The following LYST variants were observed in gnomAD, a reference collection of about 807,000 sequenced individuals.
LYST encodes the protein lysosomal trafficking regulator, also known as lysosomal-trafficking regulator.
In LYST, 192 loss-of-function variants were observed where a neutral mutation model predicts 413.6. That is an observed-to-expected ratio of 0.46 (90% CI 0.41 to 0.52). LYST has a LOEUF of 0.52. Ranked by LOEUF, LYST falls within the 20% of genes least tolerant of loss-of-function variation. LYST has a pLI of 0.00. For synonymous variants in LYST, 1,525 were observed against 1,567.3 expected (o/e 0.97, Z 0.64); for missense variants, 3,815 against 4,499.9 (o/e 0.85, Z 4.35).
chr1:235,688,983 CAAA>C (rs1660425723), intron 47 of LYST, among the ~76,000 whole-genome samples: 1 of 109,248 alleles, frequency 9.2e-6, no homozygotes, highest in Admixed American at 1.0e-4. Context: ...GACTCCGTCT[CAAA>C]TAATAATAAT....
In LYST at chr1:235,716,701, A is replaced by G. The variant is rs1346776070; in HGVS notation, c.9627+11T>C. 4.5e-6 allele frequency: 7 copies of G among 1,555,180 alleles called. No homozygotes were observed. In the African/African-American group the frequency reaches 6.8e-5, roughly 15 times the overall value. On this transcript the variant is annotated intron_variant, in intron 41 of 52. Transcript: ENST00000389793. ...TTCATTTAATAAAGTACGAGTAAAA[A>G]CAAAAGCTACCTTGTATGTGTCCAC... is the stretch of plus-strand genomic sequence containing the variant.
Position 235,734,560 on chromosome 1 carries a change from C to T in LYST, c.8458G>A (p.Ala2820Thr), listed in dbSNP as rs201321308. ...CACTTGTGACCACATAACTTCAAAGCATTCATAAGCAGTTCTGCTGTGCCT... is the reference window on the plus strand; with the variant it reads ...CACTTGTGACCACATAACTTCAAAGTATTCATAAGCAGTTCTGCTGTGCCT... ...ELGTAELLMN[A>T]LKLCGHKCIP... The change falls in exon 32 of 53, where the codon GCT (alanine) becomes ACT (threonine). Residue 2820 changes from alanine (A) to threonine (T), a missense_variant. Ala to Thr is a moderately conservative substitution (Grantham distance 58). Coordinates refer to ENST00000389793, the MANE Select transcript of LYST (RefSeq NM_000081.4). 3 of 1,613,526 alleles carry T rather than the reference C, an allele frequency of 1.9e-6. No individual in the cohort carries two copies. The Admixed American group carries it at 5.0e-5, about 27-fold the overall frequency.
chr1:235,742,312 G>T (rs1389893702), intron 30 of LYST, among the ~76,000 whole-genome samples: 1 of 151,934 alleles, frequency 6.6e-6, no homozygotes, highest in African/African-American at 2.4e-5. Flanking sequence ...AAAATTGGCT[G>T]GGTGTGGTGG....
Position 235,664,682 on chromosome 1 carries a change from G to T in LYST, c.11039-61C>A. 1.9e-6 allele frequency: 3 copies of T among 1,556,058 alleles called. No homozygotes were observed. Among genetic ancestry groups the T allele is most frequent in the Non-Finnish European group, 8.9e-7 (1 of 1,128,764 alleles). Reference sequence around the variant, plus strand: ...TGTGGCTGTCTCAGAGCCCACATTTGGCCCCAGAAGGGCAACCCTGAAGGG... The same window carrying T: ...TGTGGCTGTCTCAGAGCCCACATTTTGCCCCAGAAGGGCAACCCTGAAGGG... On this transcript the variant is annotated intron_variant, in intron 50 of 52. Transcript: ENST00000389793. This position sits in a 1 kb window ranked among gnomAD's most constrained non-coding sequence, Gnocchi z 4.5.
At chr1:235,853,698 G>A (rs965573615) in intron 1 of LYST, among the ~76,000 whole-genome samples, 9 of 152,074 alleles carry the variant, frequency 5.9e-5, no homozygotes, top group African/African-American at 2.2e-4. Flanking sequence ...TGAAACCTGG[G>A]GCGCTGACCT....
chr1:235,843,390 G>T (rs182558970), intron 1 of LYST, among the ~76,000 whole-genome samples: 1 of 152,146 alleles, frequency 6.6e-6, no homozygotes, highest in Non-Finnish European at 1.5e-5. Context: ...CCCAGAAGCC[G>T]CAGATCAGGA....
chr1:235,724,228 ATAAT>A, intron 38 of LYST, 48 bp from the exon 39 acceptor site: 2 of 1,466,716 alleles, frequency 1.4e-6, no homozygotes, highest in African/African-American at 1.4e-5. Context: ...GGAAATATAA[ATAAT>A]TACTTTAATT....
At chr1:235,685,871 A>G (rs1356778779) in intron 48 of LYST, among the ~76,000 whole-genome samples, 1 of 151,856 alleles carries the variant, frequency 6.6e-6, no homozygotes, top group African/African-American at 2.4e-5. Flanking sequence ...AAAAAAAACA[A>G]ACAAAAAAAG....
chr1:235,759,838 AACTCCTGG>A (rs1319267256), intron 22 of LYST, among the ~76,000 whole-genome samples: 2 of 151,986 alleles, frequency 1.3e-5, no homozygotes, highest in Non-Finnish European at 2.9e-5. Flanking sequence ...TGCAGCCTCT[AACTCCTGG>A]ACTCAAGACA....
At chr1:235,815,405 C>A (rs1673947225) in intron 3 of LYST, among the ~76,000 whole-genome samples, 1 of 152,100 alleles carries the variant, frequency 6.6e-6, no homozygotes, top group South Asian at 2.1e-4. Flanking sequence ...ACATTTTAGA[C>A]AGGCTATTTA....
intron 37 of LYST, among the ~76,000 whole-genome samples, chr1:235,728,903 G>A (rs1664127389): frequency 6.6e-6 from 1 of 152,110 alleles, no homozygotes; most frequent in Admixed American, 6.6e-5. Context: ...TCACTGGAGG[G>A]CTCATCAGAA....
At chr1:235,789,035 G>T (rs1670723157) in intron 12 of LYST, among the ~76,000 whole-genome samples, 190 bp from the exon 13 acceptor site, 1 of 152,016 alleles carries the variant, frequency 6.6e-6, no homozygotes, top group Non-Finnish European at 1.5e-5. Context: ...AAGCACGAGG[G>T]ATGAAAAATG....
Position 235,674,486 on chromosome 1 carries a change from A to C in LYST, c.11038+2605T>G, listed in dbSNP as rs533643869. ...CTATCAAAGTTCCACAAGAGGTGCTAAATGAATTTAAAGCCAGGAATCAAA... is the reference window on the plus strand; with the variant it reads ...CTATCAAAGTTCCACAAGAGGTGCTCAATGAATTTAAAGCCAGGAATCAAA... On this transcript the variant is annotated intron_variant, in intron 50 of 52. Coordinates refer to ENST00000389793, the MANE Select transcript of LYST (RefSeq NM_000081.4). The surrounding 1 kb of genome is among the most constrained non-coding windows in gnomAD (Gnocchi z 4.1). Among the ~76,000 whole-genome samples, 2 of 152,192 alleles carry C rather than the reference A, an allele frequency of 1.3e-5. No homozygotes were observed. Among genetic ancestry groups the C allele is most frequent in the African/African-American group, 2.4e-5 (1 of 41,442 alleles).
At chr1:235,838,297 T>C (rs560647647) in intron 1 of LYST, among the ~76,000 whole-genome samples, 1 of 152,310 alleles carries the variant, frequency 6.6e-6, no homozygotes, top group African/African-American at 2.4e-5. Context: ...TTGAGTTCCA[T>C]TGTTCAATAA....
intron 31 of LYST, chr1:235,737,694 A>C (rs188078525): frequency 1.3e-4 from 21 of 159,076 alleles, no homozygotes; most frequent in Non-Finnish European, 2.8e-4. Flanking sequence ...TATCAAACTG[A>C]ATAATGACTG....
chr1:235,736,939 C>T (rs1186071487), intron 31 of LYST: 1 of 151,936 alleles, frequency 6.6e-6, no homozygotes, highest in African/African-American at 2.4e-5. Context: ...TGCTGTTTCA[C>T]AACGTTGCTT....
chr1:235,759,282 G>A lies in LYST; in HGVS notation c.6571C>T (p.Pro2191Ser), dbSNP rs1335944955. Residue 2191 changes from proline to serine, a missense_variant, in exon 23 of 53, where the codon CCA becomes TCA. Physicochemically the swap from Pro to Ser is moderately conservative, Grantham distance 74 (BLOSUM62 -1). Coordinates refer to ENST00000389793, the MANE Select transcript of LYST (RefSeq NM_000081.4). ...ACTGGAAATCCCAGCACTCCCTTTG[G>A]GACATCACTGACAGAGACCTGGGCT... Reference protein sequence around the residue: ...LSAQVSVSDVPKGVLGFPVVK... With the variant: ...LSAQVSVSDVSKGVLGFPVVK... The A allele has an allele frequency of 1.9e-6, 3 of 1,613,926 alleles. No homozygotes were observed.
At chr1:235,695,502 T>G (rs1661021346) in intron 46 of LYST, among the ~76,000 whole-genome samples, 1 of 152,240 alleles carries the variant, frequency 6.6e-6, no homozygotes, top group African/African-American at 2.4e-5. Flanking sequence ...CACTAAGGGT[T>G]CATGACTGTA....
chr1:235,753,851 A>G (rs1666726981), intron 25 of LYST, among the ~76,000 whole-genome samples: 1 of 152,194 alleles, frequency 6.6e-6, no homozygotes. Flanking sequence ...GTGAAAGCCA[A>G]AAGTTGTATG....
Sources: gnomAD v4.1 joint callset for allele counts (sites outside exome capture counted in the v4.1 genomes callset) on GRCh38, gnomAD v4.1.1 for gene constraint, Gnocchi (gnomAD v3.1) non-coding constraint, MANE v1.5 for transcripts, NCBI Gene and HGNC (gene_info 2026-07-23, HGNC 2026-07-21) for gene names.